The following MAGI2 variants were observed in gnomAD, a reference collection of about 807,000 sequenced individuals.
MAGI2 encodes membrane-associated guanylate kinase, WW and PDZ domain-containing protein 2.
In MAGI2, 35 loss-of-function variants were observed where a neutral mutation model predicts 133.3. The ratio of observed to expected loss-of-function variants is 0.26; its 90% CI spans 0.20 to 0.35. The LOEUF (loss-of-function observed/expected upper bound fraction) is 0.35, where lower values mean the gene tolerates loss of function less well. Among genes scored for constraint, MAGI2 ranks in the 10% least tolerant of loss-of-function variants. MAGI2 has a pLI of 1.00. For synonymous variants in MAGI2, 729 were observed against 710.6 expected (o/e 1.03, Z -0.41); for missense variants, 1,636 against 1,863.4 (o/e 0.88, Z 2.25).
chr7:78,902,398 T>C (rs1237722149), intron 2 of MAGI2: 1 of 152,208 alleles, frequency 6.6e-6, no homozygotes, highest in Non-Finnish European at 1.5e-5. Context: ...TATAATAAAA[T>C]TATTTGCTTT....
At position 78,343,937 on chromosome 7, in the gene MAGI2, C is replaced by T. The variant is rs375490476; in HGVS notation, c.1249G>A (p.Ala417Thr). ...FREKPLFTRD[A>T]SQLKGTFLST... ...AGGAATGTTCCCTTCAACTGGGATG[C>T]ATCCCGGGTGAAGAGTGGTTTTTCT... The change falls in exon 9 of 22, where the codon GCA becomes ACA. Residue 417 changes from alanine to threonine, a missense_variant. Physicochemically the swap from Ala to Thr is moderately conservative, Grantham distance 58. Transcript: ENST00000354212. 2.1e-5 allele frequency: 33 copies of T among 1,609,554 alleles called. No individual in the cohort carries two copies. The highest frequency in any genetic ancestry group is 2.6e-5 in the Non-Finnish European group (31 of 1,178,770).
Position 78,501,775 on chromosome 7 carries a change from T to G in MAGI2, c.767A>C (p.His256Pro). The G allele has an allele frequency of 6.2e-7, 1 of 1,613,530 alleles. No homozygotes were observed. Among genetic ancestry groups the G allele is most frequent in the Non-Finnish European group, 8.5e-7 (1 of 1,179,942 alleles). Residue 256 changes from histidine (H) to proline (P), a missense_variant, in exon 5 of 22, where the codon CAT (histidine) becomes CCT (proline). Physicochemically the swap from His to Pro is moderately conservative, Grantham distance 77 (BLOSUM62 -2). This residue lies in a region of MAGI2 where 165 missense variants were observed against 128.4 expected (regional missense o/e 1.28). Coordinates refer to ENST00000354212, the MANE Select transcript of MAGI2 (RefSeq NM_012301.4). ...GVVVTPESSE[H>P]EDKSAGASGE... The stretch of plus-strand genomic sequence containing the variant: ...TGAGGCACCTGCACTTTTGTCTTCA[T>G]GTTCACTGGATTCTATAAGAGAACA...
intron 2 of MAGI2, among the ~76,000 whole-genome samples, chr7:78,655,843 C>G (rs1205615314): frequency 6.6e-6 from 1 of 151,052 alleles, no homozygotes; most frequent in Non-Finnish European, 1.5e-5. Context: ...TAGCCAGGCG[C>G]GGTGGCGGGC....
At chr7:78,090,469 G>A (rs979128787) in intron 20 of MAGI2, among the ~76,000 whole-genome samples, 6 of 152,172 alleles carry the variant, frequency 3.9e-5, no homozygotes, top group African/African-American at 1.4e-4. Flanking sequence ...TGGGGGAGGT[G>A]AGGGTGTATG....
At chr7:78,741,617 G>T (rs1300450908) in intron 2 of MAGI2, among the ~76,000 whole-genome samples, 1 of 152,078 alleles carries the variant, frequency 6.6e-6, no homozygotes, top group East Asian at 1.9e-4. Context: ...ACAGTACCTT[G>T]TTCAGCAGTG....
intron 6 of MAGI2, among the ~76,000 whole-genome samples, chr7:78,407,157 G>C (rs1216439619): frequency 6.6e-6 from 1 of 152,006 alleles, no homozygotes; most frequent in Non-Finnish European, 1.5e-5. Context: ...ACTCAATGCA[G>C]GTGCAAATTC....
intron 1 of MAGI2, among the ~76,000 whole-genome samples, chr7:79,450,259 AG>A (rs1192622618): frequency 6.6e-6 from 1 of 152,130 alleles, no homozygotes; most frequent in East Asian, 1.9e-4. Context: ...TACTGGGCCA[AG>A]AGTTTCTAAA....
intron 2 of MAGI2, among the ~76,000 whole-genome samples, chr7:78,638,665 C>G (rs545684262): frequency 6.6e-6 from 1 of 152,266 alleles, no homozygotes; most frequent in South Asian, 2.1e-4. Flanking sequence ...ACACTGCATT[C>G]TCACCAATAA....
chr7:78,921,178 A>G (rs1799193584), intron 2 of MAGI2, among the ~76,000 whole-genome samples: 1 of 152,086 alleles, frequency 6.6e-6, no homozygotes, highest in African/African-American at 2.4e-5. Context: ...TCTCTGGGGA[A>G]GTGGAGGATC....
chr7:79,226,153 C>A lies in MAGI2; in HGVS notation c.302-218947G>T, dbSNP rs1412003845. 3.9e-5 allele frequency among the ~76,000 whole-genome samples: 6 copies of A among 152,106 alleles called. No individual in the cohort carries two copies. In the South Asian group the frequency reaches 1.0e-3, roughly 26 times the overall value. On this transcript the variant is annotated intron_variant, in intron 1 of 21. Coordinates refer to ENST00000354212, the MANE Select transcript of MAGI2 (RefSeq NM_012301.4). ...ACAGTTATTAATTTAACATCTAAATCTTACATTTATATTTACTCTCTGGTA... is the reference window on the plus strand; with the variant it reads ...ACAGTTATTAATTTAACATCTAAATATTACATTTATATTTACTCTCTGGTA...
At chr7:78,460,681 C>T (rs1789878684) in intron 6 of MAGI2, among the ~76,000 whole-genome samples, 1 of 152,154 alleles carries the variant, frequency 6.6e-6, no homozygotes, top group Non-Finnish European at 1.5e-5. Context: ...TTTCTTGGAA[C>T]GCAGGATGTG....
chr7:78,648,729 C>T (rs1178452304), intron 2 of MAGI2, among the ~76,000 whole-genome samples: 1 of 152,140 alleles, frequency 6.6e-6, no homozygotes, highest in Non-Finnish European at 1.5e-5. Context: ...ATATAATCAG[C>T]ATTGTGTTTT....
At chr7:79,142,146 A>C (rs1822202478) in intron 1 of MAGI2, among the ~76,000 whole-genome samples, 2 of 152,224 alleles carry the variant, frequency 1.3e-5, no homozygotes, top group Admixed American at 1.3e-4. Context: ...ATTACAGGCA[A>C]TATAGATCAC....
At chr7:79,030,444 C>G (rs968141100) in intron 1 of MAGI2, 1 of 152,146 alleles carries the variant, frequency 6.6e-6, no homozygotes, top group Non-Finnish European at 1.5e-5. Context: ...AGGTATTTTG[C>G]TTCACTTTGT....
At chr7:79,153,681 C>T (rs1823490935) in intron 1 of MAGI2, among the ~76,000 whole-genome samples, 2 of 152,146 alleles carry the variant, frequency 1.3e-5, no homozygotes, top group African/African-American at 2.4e-5. Flanking sequence ...TGACCCTAAG[C>T]ATAGTGGAAG....
intron 3 of MAGI2, among the ~76,000 whole-genome samples, chr7:78,606,394 C>G (rs750475242): frequency 6.6e-6 from 1 of 151,774 alleles, no homozygotes; most frequent in East Asian, 1.9e-4. Flanking sequence ...CTACTTTTGA[C>G]AAAAACTCAC....
At chr7:79,264,635 T>C (rs369946217) in intron 1 of MAGI2, among the ~76,000 whole-genome samples, 29 of 152,292 alleles carry the variant, frequency 1.9e-4, no homozygotes, top group African/African-American at 6.7e-4. Flanking sequence ...AAGAGATTAG[T>C]TACTATTTTA....
chr7:78,262,645 C>T (rs1793623136), intron 9 of MAGI2, among the ~76,000 whole-genome samples: 2 of 151,958 alleles, frequency 1.3e-5, no homozygotes, highest in African/African-American at 4.8e-5. Flanking sequence ...AGGTCTTATT[C>T]CTCACTTATT....
chr7:78,594,729 T>C lies in MAGI2; in HGVS notation c.538+32391A>G, dbSNP rs141419659. On this transcript the variant is annotated intron_variant, in intron 3 of 21. Transcript: ENST00000354212. ...CCTCGGCCTCCCAAAGTGTTGGGATTACAGGTGTGAGCCACTACGTCCGGC... is the reference window on the plus strand; with the variant it reads ...CCTCGGCCTCCCAAAGTGTTGGGATCACAGGTGTGAGCCACTACGTCCGGC... Among the ~76,000 whole-genome samples the C allele has an allele frequency of 8.0e-3, 1,217 of 152,300 alleles. 9 individuals are homozygous for C. Among genetic ancestry groups the C allele is most frequent in the Middle Eastern group, 0.017 (5 of 294 alleles).
Sources: gnomAD v4.1 joint callset for allele counts (sites outside exome capture counted in the v4.1 genomes callset) on GRCh38, gnomAD v4.1.1 for gene constraint, gnomAD v4.1.1 regional missense constraint, MANE v1.5 for transcripts, NCBI Gene and HGNC (gene_info 2026-07-23, HGNC 2026-07-21) for gene names.